Variants in ITGAX observed in about 807,000 individuals in gnomAD.
ITGAX encodes the protein integrin alpha-X.
Under a neutral mutation model 140.2 loss-of-function variants are expected in ITGAX, and 99 were observed. The ratio of observed to expected loss-of-function variants is 0.71; its 90% CI spans 0.60 to 0.83. The LOEUF (loss-of-function observed/expected upper bound fraction) is 0.83, where lower values mean the gene tolerates loss of function less well. Among genes scored for constraint, ITGAX ranks in the 40% least tolerant of loss-of-function variants. ITGAX has a pLI of 0.00. For missense variants in ITGAX, 1,444 were observed against 1,482.0 expected, an observed-to-expected ratio of 0.97 and a Z score of 0.42; for synonymous variants, 631 against 600.4, an observed-to-expected ratio of 1.05 and a Z score of -0.75.
chr16:31,380,694 G>A, intron 28 of ITGAX, 70 bp downstream of exon 28: 4 of 1,588,404 alleles, frequency 2.5e-6, no homozygotes, highest in Non-Finnish European at 3.5e-6. Context: ...GTGGTGCTGG[G>A]TGGGGGGTTT....
Position 31,379,995 on chromosome 16 carries a change from G to C in ITGAX, c.2990G>C (p.Arg997Pro). The C allele has an allele frequency of 6.2e-7, 1 of 1,614,028 alleles. No homozygotes were observed. The highest frequency in any genetic ancestry group is 8.5e-7 in the Non-Finnish European group (1 of 1,179,980). The stretch of plus-strand genomic sequence containing the variant: ...ATTTTCCCCCAGAACCCATCCCTTC[G>C]GTGCTCCTCAGAGAAAATCGCACCC... ...EVSHPQNPSL[R>P]CSSEKIAPPA... The change falls in exon 26 of 30, where the codon CGG (arginine) becomes CCG (proline). Residue 997 changes from arginine (R) to proline (P), a missense_variant. Transcript: ENST00000268296.
intron 11 of ITGAX, 38 bp from the exon 12 acceptor site, chr16:31,362,573 G>A: frequency 6.3e-7 from 1 of 1,591,182 alleles, no homozygotes; most frequent in East Asian, 2.3e-5. Context: ...CTGGGGAGGG[G>A]GAATGGGGGC....
Position 31,360,465 on chromosome 16 carries a change from T to C in ITGAX, c.861+2T>C. 1 of 1,604,128 alleles carries C rather than the reference T, an allele frequency of 6.2e-7. No individual in the cohort carries two copies. The highest frequency in any genetic ancestry group is 1.1e-5 in the South Asian group (1 of 90,146). On this transcript the variant is annotated splice_donor_variant, in intron 8 of 29. Coordinates refer to ENST00000268296, the MANE Select transcript of ITGAX (RefSeq NM_000887.5). LOFTEE classifies it high-confidence loss of function. The stretch of plus-strand genomic sequence containing the variant: ...GGCATCATCCGCTATGCAATTGGGG[T>C]AGGGCGTGGGATGGCTTCCCACTTC...
At position 31,372,590 on chromosome 16, in the gene ITGAX, C is replaced by A. The variant is rs763345072; in HGVS notation, c.2293-7C>A. ...CGGAGAAAACCCCCCGTTGCCTTCC[C>A]ACGCAGCTACCCTTTGAGAAGAACT... On this transcript the variant is annotated splice_polypyrimidine_tract_variant and splice_region_variant and intron_variant, in intron 18 of 29. Coordinates refer to ENST00000268296, the MANE Select transcript of ITGAX (RefSeq NM_000887.5). 2 of 1,614,152 alleles carry A rather than the reference C, an allele frequency of 1.2e-6. No homozygotes were observed. Among genetic ancestry groups the A allele is most frequent in the Non-Finnish European group, 1.7e-6 (2 of 1,179,990 alleles).
At position 31,364,919 on chromosome 16, in the gene ITGAX, T is replaced by C. The variant is rs2091497424; in HGVS notation, c.1710+1545T>C. ...CTGTAATCCCAGCTACTTGGGAGGC[T>C]GAGGCAGGAGAATCTATTGAACCTG... On this transcript the variant is annotated intron_variant, in intron 14 of 29. Coordinates refer to ENST00000268296, the MANE Select transcript of ITGAX (RefSeq NM_000887.5). 2.0e-5 allele frequency among the ~76,000 whole-genome samples: 3 copies of C among 151,452 alleles called. No homozygotes were observed. The South Asian group carries it at 6.3e-4, about 32-fold the overall frequency.
At chr16:31,372,762 A>C in intron 19 of ITGAX, 92 bp downstream of exon 19, 81 of 1,254,704 alleles carry the variant, frequency 6.5e-5, no homozygotes, top group Non-Finnish European at 8.0e-5. Context: ...ACATTGTCTC[A>C]TCCTATAGTC....
chr16:31,382,506 C>T lies in ITGAX; in HGVS notation c.*599C>T. 6.8e-7 allele frequency: 1 copy of T among 1,463,934 alleles called. No individual in the cohort carries two copies. The highest frequency in any genetic ancestry group is 1.4e-5 in the African/African-American group (1 of 71,590). 90.7% of individuals were successfully genotyped at this position (1,463,934 alleles called of 1,614,324 possible). A position where few individuals can be genotyped will look rare whatever the true frequency, so the allele number is the denominator to read the frequency against. ...TCAGGACAATGTCTGAACTCTCCAG[C>T]TTCGCGTGAGAAGTCCCCTTCCATC... On this transcript the variant is annotated 3_prime_UTR_variant, in exon 30 of 30. Transcript: ENST00000268296.
At chr16:31,364,352 A>G (rs2080869561) in intron 14 of ITGAX, among the ~76,000 whole-genome samples, 2 of 147,528 alleles carry the variant, frequency 1.4e-5, no homozygotes, top group South Asian at 4.4e-4. Context: ...ACCTGAGCCC[A>G]GGAGGTTGAG....
At position 31,355,204 on chromosome 16, in the gene ITGAX, T is replaced by C. The variant is rs747023340; in HGVS notation, c.-51T>C. On this transcript the variant is annotated 5_prime_UTR_variant, in exon 1 of 30. Coordinates refer to ENST00000268296, the MANE Select transcript of ITGAX (RefSeq NM_000887.5). The stretch of plus-strand genomic sequence containing the variant: ...TGCTTCCTCAGTACCTTGGTCCAGC[T>C]CTTCCTGCAACGGCCCAGGAGCTCA... The C allele has an allele frequency of 4.4e-6, 7 of 1,609,034 alleles. No homozygotes were observed. The East Asian group carries it at 1.3e-4, about 31-fold the overall frequency.
chr16:31,360,583 AAT>A (rs2080813447), intron 8 of ITGAX, 120 bp downstream of exon 8: 1 of 973,588 alleles, frequency 1.0e-6, no homozygotes, highest in Non-Finnish European at 1.5e-6. Context: ...GAAGTGGTGC[AAT>A]CCTAGCTCAC....
chr16:31,359,569 C>T, intron 5 of ITGAX, 131 bp from the exon 6 acceptor site: 1 of 1,045,620 alleles, frequency 9.6e-7, no homozygotes, highest in Non-Finnish European at 1.4e-6. Context: ...GGTGTGGAGC[C>T]TGACTCCCAT....
At position 31,360,264 on chromosome 16, in the gene ITGAX, G is replaced by A. The variant is rs753737507; in HGVS notation, c.708-46G>A. On this transcript the variant is annotated intron_variant, in intron 7 of 29. Coordinates refer to ENST00000268296, the MANE Select transcript of ITGAX (RefSeq NM_000887.5). Reference sequence around the variant, plus strand: ...ATTTTCACAAGGGCACCAGGGGCTAGTGTGGTTTGGTTCACAGGCCTCTAA... The same window carrying A: ...ATTTTCACAAGGGCACCAGGGGCTAATGTGGTTTGGTTCACAGGCCTCTAA... The A allele has an allele frequency of 4.0e-5, 62 of 1,565,772 alleles. 1 individual carries two copies. Among genetic ancestry groups the A allele is most frequent in the Non-Finnish European group, 7.8e-6 (9 of 1,155,980 alleles).
At chr16:31,367,446 G>A (rs1597072668) in intron 14 of ITGAX, among the ~76,000 whole-genome samples, 1 of 152,214 alleles carries the variant, frequency 6.6e-6, no homozygotes, top group Admixed American at 6.5e-5. Context: ...AATGCAGCTG[G>A]TAGGACTTCA....
At chr16:31,367,074 G>A (rs1178490990) in intron 14 of ITGAX, among the ~76,000 whole-genome samples, 1 of 152,210 alleles carries the variant, frequency 6.6e-6, no homozygotes, top group African/African-American at 2.4e-5. Context: ...ATCCCCTTAA[G>A]CCAAAGCCAA....
At position 31,360,012 on chromosome 16, in the gene ITGAX, T is replaced by C. The variant is rs2080805311; in HGVS notation, c.654T>C (p.Ser218=). Reference sequence around the variant, plus strand: ...CAAACCCCCTCAGCCTGTTGGCTTCTGTTCACCAGCTGCAAGGGTTTACAT... The same window carrying C: ...CAAACCCCCTCAGCCTGTTGGCTTCCGTTCACCAGCTGCAAGGGTTTACAT... ...RSSNPLSLLA[S]VHQLQGFTYT... Residue 218 remains serine (S), a synonymous_variant, in exon 7 of 30, where the codon TCT becomes TCC. Transcript: ENST00000268296. The C allele has an allele frequency of 6.2e-7, 1 of 1,613,748 alleles. No homozygotes were observed. The highest frequency in any genetic ancestry group is 8.5e-7 in the Non-Finnish European group (1 of 1,180,050).
At chr16:31,367,483 T>C (rs1345280362) in intron 14 of ITGAX, among the ~76,000 whole-genome samples, 1 of 152,210 alleles carries the variant, frequency 6.6e-6, no homozygotes, top group Admixed American at 6.5e-5. Context: ...CATTTACCAT[T>C]TGGAAAATTC....
intron 29 of ITGAX, among the ~76,000 whole-genome samples, chr16:31,381,542 A>G (rs1293481081): frequency 6.6e-6 from 1 of 152,080 alleles, no homozygotes; most frequent in Non-Finnish European, 1.5e-5. Flanking sequence ...TAAAAATACA[A>G]AAATTAGTTG....
chr16:31,359,231 C>T (rs956276804), intron 5 of ITGAX, among the ~76,000 whole-genome samples: 5 of 152,050 alleles, frequency 3.3e-5, no homozygotes, highest in African/African-American at 9.7e-5. Flanking sequence ...TGCTGTGGTG[C>T]GATCTCAGCT....
At chr16:31,359,088 T>G (rs980915153) in intron 5 of ITGAX, among the ~76,000 whole-genome samples, 9 of 151,444 alleles carry the variant, frequency 5.9e-5, no homozygotes, top group African/African-American at 2.2e-4. Flanking sequence ...CCAAAGTGCT[T>G]GGATTATAGG....
Sources: gnomAD v4.1 joint callset for allele counts (sites outside exome capture counted in the v4.1 genomes callset) on GRCh38, gnomAD v4.1.1 for gene constraint, MANE v1.5 for transcripts, NCBI Gene and HGNC (gene_info 2026-07-23, HGNC 2026-07-21) for gene names.